TMEM132D: variants seen among roughly 807,000 people sequenced by gnomAD.
The protein encoded by TMEM132D is transmembrane protein 132D, also known as mature OL transmembrane protein.
TMEM132D carries 21 observed loss-of-function variants against 62.3 expected under a neutral mutation model. The ratio of observed to expected loss-of-function variants is 0.34; its 90% CI spans 0.24 to 0.49. The LOEUF (loss-of-function observed/expected upper bound fraction) is 0.49. Among genes scored for constraint, TMEM132D ranks in the 20% least tolerant of loss-of-function variants. TMEM132D has a pLI of 0.99. For synonymous variants in TMEM132D, 621 were observed against 575.6 expected (o/e 1.08, Z -1.13); for missense variants, 1,346 against 1,402.8 (o/e 0.96, Z 0.65).
chr12:129,351,426 G>A (rs893151990), intron 3 of TMEM132D, among the ~76,000 whole-genome samples: 3 of 152,158 alleles, frequency 2.0e-5, no homozygotes, highest in African/African-American at 7.2e-5. Flanking sequence ...CGCCCTGGCC[G>A]TACCTCCTAA....
At chr12:129,424,183 C>T (rs907015612) in intron 3 of TMEM132D, among the ~76,000 whole-genome samples, 1 of 138,060 alleles carries the variant, frequency 7.2e-6, no homozygotes, top group African/African-American at 2.7e-5. Flanking sequence ...TTCAAAGAAG[C>T]GATCTGTAAA....
chr12:129,415,324 C>T (rs1872084627), intron 3 of TMEM132D, among the ~76,000 whole-genome samples: 1 of 152,192 alleles, frequency 6.6e-6, no homozygotes, highest in Non-Finnish European at 1.5e-5. Context: ...CACATCGTCA[C>T]CAACACTTGT....
intron 3 of TMEM132D, among the ~76,000 whole-genome samples, chr12:129,361,488 G>T (rs1870247070): frequency 6.6e-6 from 1 of 151,994 alleles, no homozygotes; most frequent in Admixed American, 6.6e-5. Context: ...GAAACTGCAG[G>T]CAGGGAAGAC....
intron 4 of TMEM132D, among the ~76,000 whole-genome samples, chr12:129,259,234 A>G (rs1447713393): frequency 6.6e-6 from 1 of 152,160 alleles, no homozygotes; most frequent in African/African-American, 2.4e-5. Context: ...AGGAGGATCT[A>G]GGCTGAGCAT....
chr12:129,261,154 A>AT (rs942567780), intron 4 of TMEM132D, among the ~76,000 whole-genome samples: 14 of 151,996 alleles, frequency 9.2e-5, no homozygotes, highest in Non-Finnish European at 2.1e-4. Flanking sequence ...TCTAAGTGAG[A>AT]TTTTTTTAAA....
At chr12:129,202,817 G>C (rs1306298504) in intron 5 of TMEM132D, among the ~76,000 whole-genome samples, 1 of 152,148 alleles carries the variant, frequency 6.6e-6, no homozygotes, top group Non-Finnish European at 1.5e-5. Flanking sequence ...ACACCTCCAG[G>C]GAAAACTTGA....
chr12:129,295,418 C>T (rs1490407140), intron 4 of TMEM132D, among the ~76,000 whole-genome samples: 1 of 146,598 alleles, frequency 6.8e-6, no homozygotes, highest in African/African-American at 2.5e-5. Context: ...CCTCTGAAAT[C>T]ATATTAGCCT....
intron 1 of TMEM132D, among the ~76,000 whole-genome samples, chr12:129,735,184 T>C (rs1001762393): frequency 1.3e-5 from 2 of 152,222 alleles, no homozygotes; most frequent in Admixed American, 1.3e-4. Flanking sequence ...TTGTGTTACA[T>C]TCCGTATCGC....
chr12:129,547,614 C>T (rs887471400), intron 2 of TMEM132D, among the ~76,000 whole-genome samples: 1 of 152,158 alleles, frequency 6.6e-6, no homozygotes, highest in East Asian at 1.9e-4. Context: ...GATGCCATTT[C>T]CACCCAAACA....
intron 1 of TMEM132D, among the ~76,000 whole-genome samples, chr12:129,820,183 G>C (rs1227762214): frequency 2.6e-5 from 4 of 152,064 alleles, no homozygotes; most frequent in Non-Finnish European, 5.9e-5. Context: ...ATCCTTTTCA[G>C]GAGTTCTTTT....
At chr12:129,608,739 G>A (rs542761049) in intron 2 of TMEM132D, among the ~76,000 whole-genome samples, 1 of 152,280 alleles carries the variant, frequency 6.6e-6, no homozygotes, top group South Asian at 2.1e-4. Flanking sequence ...GTCATGCTTA[G>A]CATCCTCATT....
At chr12:129,078,778 G>T in intron 7 of TMEM132D, 53 bp from the exon 8 acceptor site, 1 of 1,576,650 alleles carries the variant, frequency 6.3e-7, no homozygotes, top group Non-Finnish European at 8.7e-7. Context: ...TCCAGGCAAT[G>T]CCTCCAGTCA....
chr12:129,174,262 T>G (rs1877834823), intron 5 of TMEM132D, among the ~76,000 whole-genome samples: 1 of 152,208 alleles, frequency 6.6e-6, no homozygotes, highest in Non-Finnish European at 1.5e-5. Context: ...TGGGGTGTTT[T>G]GTTCCCCTCC....
chr12:129,855,254 G>A (rs376815246), intron 1 of TMEM132D, among the ~76,000 whole-genome samples: 3,773 of 65,054 alleles, frequency 0.058, 273 homozygotes, highest in Non-Finnish European at 0.088. Context: ...CGGGGGAACG[G>A]GATGGGTGCC....
intron 5 of TMEM132D, among the ~76,000 whole-genome samples, chr12:129,139,274 T>C (rs1876670563): frequency 6.6e-6 from 1 of 152,136 alleles, no homozygotes; most frequent in African/African-American, 2.4e-5. Flanking sequence ...TCAAAGAAAG[T>C]GTGTGTGTTG....
chr12:129,783,783 T>C (rs1565984158), intron 1 of TMEM132D, among the ~76,000 whole-genome samples: 1 of 152,230 alleles, frequency 6.6e-6, no homozygotes, highest in African/African-American at 2.4e-5. Flanking sequence ...CTGTGATATT[T>C]AGCGACTGGC....
chr12:129,716,755 G>A (rs1328907626), intron 1 of TMEM132D, among the ~76,000 whole-genome samples: 1 of 152,174 alleles, frequency 6.6e-6, no homozygotes, highest in African/African-American at 2.4e-5. Context: ...GAGTGGAAGA[G>A]GGAGGTAGGA....
intron 4 of TMEM132D, among the ~76,000 whole-genome samples, chr12:129,225,583 A>C (rs1879458552): frequency 6.6e-6 from 1 of 152,218 alleles, no homozygotes; most frequent in South Asian, 2.1e-4. Flanking sequence ...CAAGGTTCCA[A>C]GTAGTATCTA....
At chr12:129,632,950 A>G (rs1373451412) in intron 2 of TMEM132D, among the ~76,000 whole-genome samples, 1 of 152,148 alleles carries the variant, frequency 6.6e-6, no homozygotes, top group Admixed American at 6.5e-5. Flanking sequence ...TATGCCCCCT[A>G]AGTAGACAAC....
Sources: allele counts gnomAD v4.1 joint callset (sites outside exome capture counted in the v4.1 genomes callset), GRCh38; gene constraint gnomAD v4.1.1; transcripts MANE v1.5; gene names NCBI Gene and HGNC (gene_info 2026-07-23, HGNC 2026-07-21).